Variants in NUP93 observed in about 807,000 individuals in gnomAD.
NUP93 encodes the protein nucleoporin 93.
Under a neutral mutation model 107.8 loss-of-function variants are expected in NUP93, and 55 were observed. The observed-to-expected ratio is 0.51, with a 90% confidence interval of 0.41 to 0.64. The LOEUF (loss-of-function observed/expected upper bound fraction) is 0.64. Among genes scored for constraint, NUP93 ranks in the 30% least tolerant of loss-of-function variants. The probability of loss-of-function intolerance (pLI) is 0.00; values close to 1 mark genes in which losing one functional copy is unlikely to be tolerated. For missense variants in NUP93, 937 were observed against 1,044.7 expected (o/e 0.90, Z 1.42); for synonymous variants, 390 against 397.5 (o/e 0.98, Z 0.22).
chr16:56,834,226 G>A lies in NUP93; in HGVS notation c.1636G>A (p.Glu546Lys). 1 of 1,614,182 alleles carries A rather than the reference G, an allele frequency of 6.2e-7. No individual in the cohort carries two copies. The highest frequency in any genetic ancestry group is 8.5e-7 in the Non-Finnish European group (1 of 1,180,024). The change falls in exon 14 of 22, where the codon GAG becomes AAG. Residue 546 changes from glutamate to lysine, a missense_variant. Physicochemically the swap from Glu to Lys is moderately conservative, Grantham distance 56. Coordinates refer to ENST00000308159, the MANE Select transcript of NUP93 (RefSeq NM_014669.5). The part of the protein sequence containing the change: ...TRKFESTDPR[E>K]ALQYFYFLRD... ...GAAGTTTGAGTCCACGGACCCAAGGGAGGCCCTCCAGTACTTCTATTTCCT... is the reference window on the plus strand; with the variant it reads ...GAAGTTTGAGTCCACGGACCCAAGGAAGGCCCTCCAGTACTTCTATTTCCT...
At chr16:56,794,362 C>CAT (rs1758708795) in intron 3 of NUP93, among the ~76,000 whole-genome samples, 1 of 151,946 alleles carries the variant, frequency 6.6e-6, no homozygotes, top group African/African-American at 2.4e-5. Context: ...CACACACACA[C>CAT]GCTTCATTTA....
intron 3 of NUP93, among the ~76,000 whole-genome samples, chr16:56,774,706 T>C (rs967379201): frequency 6.6e-6 from 1 of 152,162 alleles, no homozygotes; most frequent in African/African-American, 2.4e-5. Context: ...TACTTTATGC[T>C]GGTGTGGTGG....
chr16:56,778,531 G>A (rs1962456668), intron 3 of NUP93, among the ~76,000 whole-genome samples: 1 of 152,214 alleles, frequency 6.6e-6, no homozygotes, highest in Non-Finnish European at 1.5e-5. Flanking sequence ...GCTTTGAGGT[G>A]ACAATAGCCA....
intron 8 of NUP93, among the ~76,000 whole-genome samples, chr16:56,825,962 G>A (rs939209691): frequency 3.9e-5 from 6 of 152,190 alleles, no homozygotes; most frequent in African/African-American, 1.2e-4. Context: ...TGGCAAAGTA[G>A]ACCAGGCCCA....
chr16:56,801,557 C>A (rs556104181), intron 4 of NUP93, among the ~76,000 whole-genome samples: 1 of 152,090 alleles, frequency 6.6e-6, no homozygotes, highest in South Asian at 2.1e-4. Flanking sequence ...GGATTACAGG[C>A]GTCTGCCACC....
Position 56,848,944 on chromosome 16 carries a change from C to G in NUP93, c.*4335C>G, listed in dbSNP as rs1012552974. ...AGTACTCGTGGTTCTAAGTTGCTAA[C>G]CCAGGGAAAGAGGATATTTTCCTGT... On this transcript the variant is annotated 3_prime_UTR_variant, in exon 22 of 22. Transcript: ENST00000308159. 6.8e-6 allele frequency: 1 copy of G among 148,076 alleles called. No individual in the cohort carries two copies. Among genetic ancestry groups the G allele is most frequent in the Non-Finnish European group, 1.5e-5 (1 of 65,538 alleles). The allele number at this position is 148,076 out of a possible 1,614,324, so 9.2% of individuals were successfully genotyped here.
chr16:56,771,020 TA>T (rs1359257577), intron 3 of NUP93, among the ~76,000 whole-genome samples: 1 of 152,232 alleles, frequency 6.6e-6, no homozygotes, highest in Non-Finnish European at 1.5e-5. Context: ...CCTTATGTGC[TA>T]AAAGGGATCA....
At chr16:56,839,672 C>T in intron 20 of NUP93, 68 bp downstream of exon 20, 5 of 1,202,076 alleles carry the variant, frequency 4.2e-6, no homozygotes, top group Non-Finnish European at 6.1e-6. Flanking sequence ...TTTTCTTTTC[C>T]TGTACCTAAC....
intron 3 of NUP93, chr16:56,782,279 A>G (rs1220433915): frequency 9.8e-6 from 9 of 919,186 alleles, no homozygotes; most frequent in Middle Eastern, 5.5e-4. Flanking sequence ...GAGTGGCAGC[A>G]TGTTGTTGCA....
At chr16:56,839,891 ATTC>A in intron 20 of NUP93, 1 of 393,244 alleles carries the variant, frequency 2.5e-6, no homozygotes, top group Non-Finnish European at 4.7e-6. Flanking sequence ...GTCTGGTTTA[ATTC>A]TTCTATTATC....
chr16:56,766,421 T>A (rs8048885), intron 3 of NUP93, among the ~76,000 whole-genome samples: 116,738 of 152,146 alleles, frequency 0.77, 45,082 homozygotes, highest in East Asian at 0.95. Flanking sequence ...AGCACTCTGG[T>A]GATGAGAAAC....
chr16:56,808,049 C>CTAAAAATATATATAAATATATATAAATA (rs1963183732), intron 5 of NUP93, among the ~76,000 whole-genome samples: 1 of 138,902 alleles, frequency 7.2e-6, no homozygotes, highest in African/African-American at 2.7e-5. Context: ...ATATATATTT[C>CTAAAAATATATATAAATATATATAAATA]TAAAAATATA....
In NUP93 at chr16:56,844,790, TC is replaced by T; in HGVS notation, c.*182del. On this transcript the variant is annotated 3_prime_UTR_variant, in exon 22 of 22. Coordinates refer to ENST00000308159, the MANE Select transcript of NUP93 (RefSeq NM_014669.5). ...ATTTCTTTTCAACATTCTTTTATTT[TC>T]TTTTTTTTTTTCTTTGAAATTTTGT... 3.4e-6 allele frequency: 1 copy of T among 295,874 alleles called. No homozygotes were observed. Among genetic ancestry groups the T allele is most frequent in the Admixed American group, 9.7e-5 (1 of 10,350 alleles). The allele number at this position is 295,874 out of a possible 1,614,324, so 18.3% of individuals were successfully genotyped here. A position where few individuals can be genotyped will look rare whatever the true frequency, so the allele number is the denominator to read the frequency against.
In NUP93 at chr16:56,798,078, G is replaced by A. The variant is rs75675184; in HGVS notation, c.298-398G>A. On this transcript the variant is annotated intron_variant, in intron 3 of 21. Transcript: ENST00000308159. The stretch of plus-strand genomic sequence containing the variant: ...GGCAATGATGATGTCATCAATGTTA[G>A]GAAGAAATTAATTTAAACCAACAGA... Among the ~76,000 whole-genome samples, 885 of 152,314 alleles carry A rather than the reference G, an allele frequency of 5.8e-3. 11 individuals carry two copies. Among genetic ancestry groups the A allele is most frequent in the African/African-American group, 0.02 (817 of 41,560 alleles).
Position 56,774,419 on chromosome 16 carries a change from G to GC in NUP93, c.297+15770dup, listed in dbSNP as rs148167227. On this transcript the variant is annotated intron_variant, in intron 3 of 21. Coordinates refer to ENST00000308159, the MANE Select transcript of NUP93 (RefSeq NM_014669.5). ...CCTTTTAATTTGCTTCTCTCTGTAT[G>GC]CCCCCCACCCCCACCATTAAATGTG... Among the ~76,000 whole-genome samples, 1,128 of 151,612 alleles carry GC rather than the reference G, an allele frequency of 7.4e-3. 23 individuals are homozygous for GC. Among genetic ancestry groups the GC allele is most frequent in the African/African-American group, 0.026 (1,058 of 41,250 alleles).
chr16:56,761,915 G>A (rs1472378595), intron 3 of NUP93, among the ~76,000 whole-genome samples: 1 of 152,168 alleles, frequency 6.6e-6, no homozygotes, highest in Non-Finnish European at 1.5e-5. Context: ...AAATTGCTGT[G>A]ACCACCAAAG....
chr16:56,780,390 G>T (rs1243637720), intron 3 of NUP93, among the ~76,000 whole-genome samples: 2 of 152,182 alleles, frequency 1.3e-5, no homozygotes, highest in African/African-American at 4.8e-5. Flanking sequence ...AGGAAATCAT[G>T]AGTTGATTTT....
In NUP93 at chr16:56,825,856, T is replaced by C. The variant is rs577466066; in HGVS notation, c.794+2010T>C. ...ATTGTCACCTTTGATAAAGGGGGTATTTTAGAATAATTATACTGAGTTTTA... is the reference window on the plus strand; with the variant it reads ...ATTGTCACCTTTGATAAAGGGGGTACTTTAGAATAATTATACTGAGTTTTA... On this transcript the variant is annotated intron_variant, in intron 8 of 21. Transcript: ENST00000308159. 5.3e-5 allele frequency among the ~76,000 whole-genome samples: 8 copies of C among 152,306 alleles called. No homozygotes were observed. In the East Asian group the frequency reaches 1.5e-3, roughly 29 times the overall value.
chr16:56,822,480 T>C (rs1159908326), intron 7 of NUP93, among the ~76,000 whole-genome samples: 11 of 149,752 alleles, frequency 7.3e-5, no homozygotes, highest in Non-Finnish European at 1.5e-4. Flanking sequence ...GCCAGTGTAT[T>C]CCAGCCTGGG....
Sources: allele counts gnomAD v4.1 joint callset (sites outside exome capture counted in the v4.1 genomes callset), GRCh38; gene constraint gnomAD v4.1.1; transcripts MANE v1.5; gene names NCBI Gene and HGNC (gene_info 2026-07-23, HGNC 2026-07-21).